RBM6: variants seen among roughly 807,000 people sequenced by gnomAD.
The protein encoded by RBM6 is RNA binding motif protein 6, also known as RNA-binding protein 6.
In RBM6, 23 loss-of-function variants were observed where a neutral mutation model predicts 140.4. The observed-to-expected ratio is 0.16, with a 90% CI of 0.12 to 0.23. The LOEUF (loss-of-function observed/expected upper bound fraction) is 0.23. Among genes scored for constraint, RBM6 ranks in the 10% least tolerant of loss-of-function variants. The pLI is 1.00. For synonymous variants in RBM6, 439 were observed against 475.6 expected, an observed-to-expected ratio of 0.92 and a Z score of 1.00; for missense variants, 1,139 against 1,386.7, an observed-to-expected ratio of 0.82 and a Z score of 2.84.
intron 6 of RBM6, among the ~76,000 whole-genome samples, chr3:50,035,162 A>G (rs1428856858): frequency 1.3e-5 from 2 of 151,882 alleles, no homozygotes; most frequent in African/African-American, 2.4e-5. Context: ...AGAAGAAACA[A>G]TTTGACTGAG....
intron 6 of RBM6, among the ~76,000 whole-genome samples, chr3:50,004,242 T>G (rs2086471273): frequency 6.6e-6 from 1 of 152,068 alleles, no homozygotes; most frequent in South Asian, 2.1e-4. Flanking sequence ...GAAATTTTTA[T>G]TCTCCTTTCC....
At chr3:50,003,705 G>A (rs2086447929) in intron 6 of RBM6, among the ~76,000 whole-genome samples, 1 of 152,232 alleles carries the variant, frequency 6.6e-6, no homozygotes, top group African/African-American at 2.4e-5. Context: ...ATGCTCTGCA[G>A]CAGTACTGAG....
chr3:49,949,486 G>A (rs1301415085), intron 1 of RBM6, among the ~76,000 whole-genome samples: 1 of 151,854 alleles, frequency 6.6e-6, no homozygotes, highest in Non-Finnish European at 1.5e-5. Context: ...TCTGCCTCCC[G>A]GGTTCAAGCG....
At chr3:49,976,592 T>C (rs1265260563) in intron 5 of RBM6, among the ~76,000 whole-genome samples, 1 of 152,198 alleles carries the variant, frequency 6.6e-6, no homozygotes, top group Non-Finnish European at 1.5e-5. Flanking sequence ...ATTTACAGGC[T>C]GGAGATGCTT....
At chr3:49,976,984 G>A (rs2085090203) in intron 5 of RBM6, among the ~76,000 whole-genome samples, 1 of 152,134 alleles carries the variant, frequency 6.6e-6, no homozygotes, top group Non-Finnish European at 1.5e-5. Flanking sequence ...GAAAGAATTG[G>A]ATTGCTAGTT....
chr3:49,979,442 T>G (rs1371182927), intron 5 of RBM6, among the ~76,000 whole-genome samples: 1 of 150,700 alleles, frequency 6.6e-6, no homozygotes, highest in African/African-American at 2.4e-5. Context: ...TACTTTGTTT[T>G]TTTTTTTTTT....
chr3:50,023,439 G>A (rs909413838), intron 6 of RBM6, among the ~76,000 whole-genome samples: 8 of 152,000 alleles, frequency 5.3e-5, no homozygotes, highest in Non-Finnish European at 1.0e-4. Context: ...CCAAGTAGCT[G>A]GGATTACAGG....
chr3:49,962,831 C>T (rs2084343278), intron 2 of RBM6, 146 bp downstream of exon 2: 2 of 734,610 alleles, frequency 2.7e-6, no homozygotes, highest in Non-Finnish European at 4.1e-6. Context: ...GGCGCGGTGG[C>T]TCACGCCTGT....
At chr3:50,029,741 A>G (rs1298855002) in intron 6 of RBM6, among the ~76,000 whole-genome samples, 1 of 152,050 alleles carries the variant, frequency 6.6e-6, no homozygotes, top group African/African-American at 2.4e-5. Flanking sequence ...TCAAAAAATA[A>G]TAATAATAAT....
Position 50,020,477 on chromosome 3 carries a change from T to C in RBM6, c.1557+20964T>C, listed in dbSNP as rs2087420235. ...AGATTATTGATTTTTAGATTTTTCTTCTCTTTTAATATATGCATTCAGTGC... is the reference window on the plus strand; with the variant it reads ...AGATTATTGATTTTTAGATTTTTCTCCTCTTTTAATATATGCATTCAGTGC... On this transcript the variant is annotated intron_variant, in intron 6 of 20. Transcript: ENST00000266022. 2.6e-5 allele frequency among the ~76,000 whole-genome samples: 4 copies of C among 152,210 alleles called. No individual in the cohort carries two copies. In the South Asian group the frequency reaches 8.3e-4, roughly 32 times the overall value.
At chr3:49,997,096 C>A (rs1268337417) in intron 5 of RBM6, among the ~76,000 whole-genome samples, 1 of 151,932 alleles carries the variant, frequency 6.6e-6, no homozygotes, top group Non-Finnish European at 1.5e-5. Flanking sequence ...TACTTACTTT[C>A]ATAGGCTAGT....
rs2089795607 is a variant in RBM6 at position 50,058,298 on chromosome 3, G to A, written c.1970-104G>A. 3.9e-6 allele frequency: 5 copies of A among 1,280,014 alleles called. No homozygotes were observed. The African/African-American group carries it at 7.4e-5, about 19-fold the overall frequency. 79.3% of individuals were successfully genotyped at this position (1,280,014 alleles called of 1,614,324 possible). On this transcript the variant is annotated intron_variant, in intron 9 of 20. Coordinates refer to ENST00000266022, the MANE Select transcript of RBM6 (RefSeq NM_005777.3). ...AGCATTTTTTTACAGAACCAGCCTT[G>A]CTAGTAGCATCTATAGTAAAAAATG...
intron 6 of RBM6, among the ~76,000 whole-genome samples, chr3:50,016,615 C>T (rs189678705): frequency 4.0e-5 from 6 of 151,894 alleles, no homozygotes; most frequent in East Asian, 1.9e-4. Flanking sequence ...CACTTGTTAC[C>T]GTTCATCTTT....
intron 6 of RBM6, among the ~76,000 whole-genome samples, chr3:50,031,544 A>G (rs2088163022): frequency 6.6e-6 from 1 of 151,706 alleles, no homozygotes; most frequent in Non-Finnish European, 1.5e-5. Flanking sequence ...GAACACTTGG[A>G]CACAGAGCGG....
intron 4 of RBM6, among the ~76,000 whole-genome samples, chr3:49,974,979 G>A (rs2084997108): frequency 6.6e-6 from 1 of 151,400 alleles, no homozygotes; most frequent in African/African-American, 2.4e-5. Context: ...GAGCCACCAC[G>A]CCCGGTCTCT....
chr3:50,028,759 C>A (rs2087978937), intron 6 of RBM6, among the ~76,000 whole-genome samples: 1 of 152,200 alleles, frequency 6.6e-6, no homozygotes, highest in African/African-American at 2.4e-5. Flanking sequence ...GACCTGGCAA[C>A]ATATGATGAG....
intron 6 of RBM6, among the ~76,000 whole-genome samples, chr3:50,018,387 A>G (rs1408771787): frequency 4.6e-5 from 7 of 152,118 alleles, no homozygotes; most frequent in Non-Finnish European, 1.0e-4. Context: ...AGCACTGAAT[A>G]ATATCCCATT....
intron 6 of RBM6, 50 bp downstream of exon 6, chr3:49,999,563 A>G (rs772865652): frequency 2.2e-5 from 31 of 1,418,714 alleles, no homozygotes; most frequent in Middle Eastern, 1.7e-4. Flanking sequence ...ATTTTTTTAT[A>G]TATGGGGAGG....
chr3:50,065,197 A>C, intron 16 of RBM6, 71 bp downstream of exon 16: 1 of 1,148,454 alleles, frequency 8.7e-7, no homozygotes, highest in Non-Finnish European at 1.3e-6. Context: ...GAGGAAGCGC[A>C]AAGGCTGATG....
Sources: gnomAD v4.1 joint callset for allele counts (sites outside exome capture counted in the v4.1 genomes callset) on GRCh38, gnomAD v4.1.1 for gene constraint, MANE v1.5 for transcripts, NCBI Gene and HGNC (gene_info 2026-07-23, HGNC 2026-07-21) for gene names.